NCAM1: variants seen among roughly 807,000 people sequenced by gnomAD.
NCAM1 encodes the protein antigen recognized by monoclonal antibody 5.1H11.
NCAM1 carries 14 observed loss-of-function variants against 109.8 expected under a neutral mutation model. The observed-to-expected ratio is 0.13, with a 90% CI of 0.08 to 0.20. The LOEUF (loss-of-function observed/expected upper bound fraction) is 0.20. Ranked by LOEUF, NCAM1 falls within the 10% of genes least tolerant of loss-of-function variation. The pLI is 1.00. For missense variants in NCAM1, 774 were observed against 1,109.9 expected (o/e 0.70, Z 4.30); for synonymous variants, 418 against 442.9 (o/e 0.94, Z 0.70).
intron 1 of NCAM1, among the ~76,000 whole-genome samples, chr11:112,986,907 T>A (rs1951321030): frequency 1.3e-5 from 2 of 152,106 alleles, no homozygotes; most frequent in South Asian, 4.1e-4. Flanking sequence ...TCTGCTCTGA[T>A]CTTTGTTATG....
At chr11:113,112,275 A>G (rs1940479419) in intron 1 of NCAM1, among the ~76,000 whole-genome samples, 1 of 152,186 alleles carries the variant, frequency 6.6e-6, no homozygotes, top group Non-Finnish European at 1.5e-5. Flanking sequence ...TGCCAGTGGA[A>G]ATATTTACCA....
chr11:113,113,768 A>T (rs10789936), intron 1 of NCAM1, among the ~76,000 whole-genome samples: 67 of 27,576 alleles, frequency 2.4e-3, no homozygotes, highest in Non-Finnish European at 3.5e-3. Context: ...AGGTTCTTTT[A>T]AAAAAAAAAA....
At position 113,233,979 on chromosome 11, in the gene NCAM1, C is replaced by T. The variant is rs896557585; in HGVS notation, c.1693+662C>T. ...CTGTACAAATTTTTAATCCTGGTCT[C>T]GTATGTGGTAATTCGAGTGGAATTG... On this transcript the variant is annotated intron_variant, in intron 13 of 19. Transcript: ENST00000316851. The surrounding 1 kb of genome is among the most constrained non-coding windows in gnomAD (Gnocchi z 4.5). Among the ~76,000 whole-genome samples, 24 of 152,018 alleles carry T rather than the reference C, an allele frequency of 1.6e-4. No individual in the cohort carries two copies. The highest frequency in any genetic ancestry group is 3.9e-4 in the African/African-American group (16 of 41,362).
intron 1 of NCAM1, among the ~76,000 whole-genome samples, chr11:113,122,298 C>T (rs996042105): frequency 6.6e-6 from 1 of 152,208 alleles, no homozygotes. Flanking sequence ...TTATTTTTCT[C>T]CACTCAGTGT....
Position 112,981,132 on chromosome 11 carries a change from T to C in NCAM1, c.52+19468T>C, listed in dbSNP as rs2298528. ...ATTACTACAGTAGTATCTTATGTTG[T>C]ATGCATTGATTGTCAATCTCTTCTC... is the stretch of plus-strand genomic sequence containing the variant. On this transcript the variant is annotated intron_variant, in intron 1 of 19. Coordinates refer to ENST00000316851, the MANE Select transcript of NCAM1 (RefSeq NM_181351.5). 8.3e-4 allele frequency among the ~76,000 whole-genome samples: 126 copies of C among 151,998 alleles called. 2 individuals are homozygous for C. In the East Asian group the frequency reaches 0.022, roughly 27 times the overall value.
At chr11:113,094,477 A>G (rs1321714422) in intron 1 of NCAM1, among the ~76,000 whole-genome samples, 1 of 152,202 alleles carries the variant, frequency 6.6e-6, no homozygotes, top group Admixed American at 6.5e-5. Flanking sequence ...GTCATAGAAC[A>G]GAGAAGTTTT....
intron 7 of NCAM1, among the ~76,000 whole-genome samples, chr11:113,213,984 T>C (rs1944457853): frequency 6.6e-6 from 1 of 152,198 alleles, no homozygotes; most frequent in African/African-American, 2.4e-5. Context: ...CTTCTTTGCT[T>C]TTATTCAGTC....
At chr11:113,040,922 A>G (rs1555079888) in intron 1 of NCAM1, 1 of 152,198 alleles carries the variant, frequency 6.6e-6, no homozygotes, top group African/African-American at 2.4e-5. Flanking sequence ...TTCTGTTACA[A>G]TAGGTAAGAC....
At chr11:113,078,204 G>C (rs11214477) in intron 1 of NCAM1, among the ~76,000 whole-genome samples, 3,221 of 152,138 alleles carry the variant, frequency 0.021, 110 homozygotes, top group African/African-American at 0.074. Context: ...TGATGGCTCC[G>C]AGAGTTCCTT....
At chr11:112,990,255 A>G (rs934227893) in intron 1 of NCAM1, among the ~76,000 whole-genome samples, 1 of 152,110 alleles carries the variant, frequency 6.6e-6, no homozygotes, top group Non-Finnish European at 1.5e-5. Flanking sequence ...ACATCTTCCC[A>G]CTGGGTCACT....
chr11:112,992,834 C>G (rs978937972), intron 1 of NCAM1, among the ~76,000 whole-genome samples: 1 of 152,094 alleles, frequency 6.6e-6, no homozygotes, highest in Non-Finnish European at 1.5e-5. Flanking sequence ...CTTATCTCTT[C>G]TAGAAAATAT....
chr11:113,251,490 G>T (rs183072450), intron 15 of NCAM1, among the ~76,000 whole-genome samples: 2 of 152,202 alleles, frequency 1.3e-5, no homozygotes, highest in African/African-American at 4.8e-5. Context: ...TGGCCTCTAT[G>T]GTACGTTCTT....
chr11:113,243,806 C>G (rs1945418158), intron 14 of NCAM1: 3 of 247,410 alleles, frequency 1.2e-5, no homozygotes, highest in Non-Finnish European at 2.5e-5. Flanking sequence ...CAAAGTATAA[C>G]TCCAGCTCCC....
chr11:113,149,653 A>T (rs756538666), intron 1 of NCAM1, among the ~76,000 whole-genome samples: 14 of 152,206 alleles, frequency 9.2e-5, no homozygotes, highest in Non-Finnish European at 1.5e-4. Flanking sequence ...TAGTGAGGAA[A>T]AATTTATTTT....
At chr11:113,211,734 G>A (rs1944396281) in intron 7 of NCAM1, among the ~76,000 whole-genome samples, 1 of 152,206 alleles carries the variant, frequency 6.6e-6, no homozygotes. Flanking sequence ...ATCTGGTCAT[G>A]CCCCATAGCA....
At chr11:113,208,819 G>A (rs1429432656) in intron 7 of NCAM1, among the ~76,000 whole-genome samples, 6 of 152,138 alleles carry the variant, frequency 3.9e-5, no homozygotes, top group African/African-American at 9.7e-5. Context: ...TGTCATACAC[G>A]GCGTTATCCC....
At chr11:113,072,156 T>C (rs2135573878) in intron 1 of NCAM1, among the ~76,000 whole-genome samples, 1 of 152,240 alleles carries the variant, frequency 6.6e-6, no homozygotes, top group Middle Eastern at 3.4e-3. Flanking sequence ...AAAAAAATTA[T>C]TGATAATTGG....
At chr11:113,049,065 T>C (rs1489346101) in intron 1 of NCAM1, among the ~76,000 whole-genome samples, 1 of 152,100 alleles carries the variant, frequency 6.6e-6, no homozygotes, top group African/African-American at 2.4e-5. Flanking sequence ...AGACCTGCTT[T>C]TGAGCTCAAG....
At chr11:113,075,256 A>C (rs1291919345) in intron 1 of NCAM1, among the ~76,000 whole-genome samples, 2 of 151,788 alleles carry the variant, frequency 1.3e-5, no homozygotes, top group Non-Finnish European at 2.9e-5. Flanking sequence ...TTTTGTAGAG[A>C]TGGGCGTCTC....
Sources: gnomAD v4.1 joint callset for allele counts (sites outside exome capture counted in the v4.1 genomes callset) on GRCh38, gnomAD v4.1.1 for gene constraint, Gnocchi (gnomAD v3.1) non-coding constraint, MANE v1.5 for transcripts, NCBI Gene and HGNC (gene_info 2026-07-23, HGNC 2026-07-21) for gene names.